TES: variants seen among roughly 807,000 people sequenced by gnomAD.
The protein encoded by TES is testin.
Under a neutral mutation model 48.2 loss-of-function variants are expected in TES, and 41 were observed. That is an observed-to-expected ratio of 0.85 (90% confidence interval 0.66 to 1.10). The LOEUF is 1.10. Ranked by LOEUF, TES falls within the 50% of genes least tolerant of loss-of-function variation. The pLI is 0.00. For missense variants in TES, 463 were observed against 515.1 expected, an observed-to-expected ratio of 0.90 and a Z score of 0.98; for synonymous variants, 162 against 174.9, an observed-to-expected ratio of 0.93 and a Z score of 0.58.
chr7:116,252,397 G>C lies in TES; in HGVS notation c.998G>C (p.Ser333Thr). 6.2e-7 allele frequency: 1 copy of C among 1,614,180 alleles called. No individual in the cohort carries two copies. Among genetic ancestry groups the C allele is most frequent in the African/African-American group, 1.3e-5 (1 of 75,036 alleles). The change falls in exon 6 of 7, where the codon AGC becomes ACC. Residue 333 changes from serine (S) to threonine (T), a missense_variant. By Grantham distance (58) the Ser-to-Thr change is moderately conservative (BLOSUM62 1). Coordinates refer to ENST00000358204, the MANE Select transcript of TES (RefSeq NM_015641.4). Reference protein sequence around the residue: ...LKHFCCFDCDSILAGEIYVMV... With the variant: ...LKHFCCFDCDTILAGEIYVMV... ...CACTTCTGCTGCTTTGACTGTGATA[G>C]CATTCTAGCTGGGGAGATATACGTG...
At position 116,251,692 on chromosome 7, in the gene TES, A is replaced by AG. The variant is rs1563015127; in HGVS notation, c.703-68_703-67insG. The AG allele has an allele frequency of 4.3e-6, 6 of 1,408,210 alleles. No homozygotes were observed. The South Asian group carries it at 7.4e-5, about 17-fold the overall frequency. 87.2% of individuals were successfully genotyped at this position (1,408,210 alleles called of 1,614,324 possible). A position where few individuals can be genotyped will look rare whatever the true frequency, so the allele number is the denominator to read the frequency against. Reference sequence around the variant, plus strand: ...AGTGAGACTCAGTCTCAAAAAAAAAAAAAGAAAGAAAGAAAAGAAATGGCA... The same window carrying AG: ...AGTGAGACTCAGTCTCAAAAAAAAAAGAAAGAAAGAAAGAAAAGAAATGGCA... On this transcript the variant is annotated intron_variant, in intron 4 of 6. Transcript: ENST00000358204.
chr7:116,256,827 C>T (rs1007268622), intron 6 of TES, among the ~76,000 whole-genome samples: 3 of 152,178 alleles, frequency 2.0e-5, no homozygotes, highest in Admixed American at 2.0e-4. Context: ...TCCTTAATTA[C>T]TTTGAACATG....
At chr7:116,222,585 T>G (rs1415314659) in intron 1 of TES, among the ~76,000 whole-genome samples, 1 of 152,206 alleles carries the variant, frequency 6.6e-6, no homozygotes, top group Non-Finnish European at 1.5e-5. Flanking sequence ...TACCATAGCC[T>G]TTAGGCATCG....
In TES at chr7:116,210,678, A is replaced by G; in HGVS notation, c.-30A>G. 2 of 1,304,366 alleles carry G rather than the reference A, an allele frequency of 1.5e-6. No homozygotes were observed. Among genetic ancestry groups the G allele is most frequent in the South Asian group, 2.5e-5 (1 of 40,670 alleles). The allele number at this position is 1,304,366 out of a possible 1,614,324, so 80.8% of individuals were successfully genotyped here. The stretch of plus-strand genomic sequence containing the variant: ...ACCCGGCCGTGGGATCCCGGATAGG[A>G]GGAGGAGGGGACCCATAGGACGCGT... On this transcript the variant is annotated 5_prime_UTR_variant, in exon 1 of 7. Transcript: ENST00000358204.
At chr7:116,217,279 A>G (rs1010985428) in intron 1 of TES, among the ~76,000 whole-genome samples, 8 of 152,180 alleles carry the variant, frequency 5.3e-5, no homozygotes, top group Admixed American at 3.9e-4. Context: ...CAAATGTAAA[A>G]GATGGGAAAA....
At chr7:116,253,068 G>T (rs1351497526) in intron 6 of TES, among the ~76,000 whole-genome samples, 2 of 152,192 alleles carry the variant, frequency 1.3e-5, no homozygotes, top group Non-Finnish European at 2.9e-5. Flanking sequence ...ATGGCCAAGT[G>T]ATGGTAATGT....
intron 1 of TES, among the ~76,000 whole-genome samples, chr7:116,218,441 G>C (rs774548512): frequency 6.6e-6 from 1 of 152,100 alleles, no homozygotes; most frequent in African/African-American, 2.4e-5. Context: ...CCATGTAGAT[G>C]TTAGGTGGAT....
At chr7:116,234,352 ATATGT>A (rs1024637519) in intron 1 of TES, among the ~76,000 whole-genome samples, 177 bp from the exon 2 acceptor site, 7 of 152,184 alleles carry the variant, frequency 4.6e-5, no homozygotes, top group African/African-American at 1.2e-4. Flanking sequence ...AGAATATAAA[ATATGT>A]TATGTATGTA....
chr7:116,242,533 C>G (rs762245894), intron 2 of TES, among the ~76,000 whole-genome samples: 1 of 73,942 alleles, frequency 1.4e-5, no homozygotes, highest in East Asian at 9.7e-4. Flanking sequence ...CTCTCTCTCT[C>G]TCTCTGTCTC....
At chr7:116,217,624 G>T in intron 1 of TES, 1 of 269,804 alleles carries the variant, frequency 3.7e-6, no homozygotes, top group Non-Finnish European at 7.5e-6. Flanking sequence ...GGAAGATAAG[G>T]AAACAAAAGA....
intron 1 of TES, among the ~76,000 whole-genome samples, chr7:116,218,754 A>G (rs1799523201): frequency 6.6e-6 from 1 of 152,132 alleles, no homozygotes; most frequent in Non-Finnish European, 1.5e-5. Flanking sequence ...TAAGTTAACT[A>G]CAGTGCTGGA....
chr7:116,210,873 C>T, intron 1 of TES, 139 bp downstream of exon 1: 1 of 705,298 alleles, frequency 1.4e-6, no homozygotes, highest in Non-Finnish European at 2.0e-6. Flanking sequence ...GTGCCCCGGG[C>T]CCAGGGACCT....
At chr7:116,216,683 T>A (rs1334239507) in intron 1 of TES, among the ~76,000 whole-genome samples, 2 of 152,146 alleles carry the variant, frequency 1.3e-5, no homozygotes, top group African/African-American at 4.8e-5. Context: ...AAATAATTTT[T>A]TTCCACAAAT....
intron 1 of TES, among the ~76,000 whole-genome samples, chr7:116,220,075 A>C (rs1169390282): frequency 6.6e-6 from 1 of 152,140 alleles, no homozygotes; most frequent in Non-Finnish European, 1.5e-5. Flanking sequence ...CAAGTTGCCT[A>C]AGGTTTTGAA....
chr7:116,253,314 A>G (rs190948731), intron 6 of TES, among the ~76,000 whole-genome samples: 119 of 152,252 alleles, frequency 7.8e-4, no homozygotes, highest in South Asian at 1.2e-3. Context: ...GTCAATGCCA[A>G]TTTTCAGCGT....
chr7:116,257,568 C>A lies in TES; in HGVS notation c.*86C>A. The A allele has an allele frequency of 1.7e-6, 2 of 1,181,978 alleles. No homozygotes were observed. Among genetic ancestry groups the A allele is most frequent in the Admixed American group, 3.9e-5 (1 of 25,942 alleles). 73.2% of individuals were successfully genotyped at this position (1,181,978 alleles called of 1,614,324 possible). On this transcript the variant is annotated 3_prime_UTR_variant, in exon 7 of 7. Coordinates refer to ENST00000358204, the MANE Select transcript of TES (RefSeq NM_015641.4). ...AAAATGCAATTTGAAAAAAATAAAA[C>A]GCAAAAAAAGAAACTGTAAAGGAAA... is the stretch of plus-strand genomic sequence containing the variant.
intron 5 of TES, 105 bp from the exon 6 acceptor site, chr7:116,252,213 C>A: frequency 7.8e-7 from 1 of 1,276,022 alleles, no homozygotes; most frequent in Non-Finnish European, 1.1e-6. Flanking sequence ...TAAGTTCAAG[C>A]TTTAGGTTAT....
intron 2 of TES, among the ~76,000 whole-genome samples, chr7:116,238,585 C>CATCATT (rs1554437876): frequency 3.9e-5 from 5 of 129,330 alleles, no homozygotes; most frequent in African/African-American, 7.8e-5. Context: ...CAACATCCAT[C>CATCATT]ATTATTATTA....
intron 1 of TES, among the ~76,000 whole-genome samples, chr7:116,220,030 C>T (rs572600700): frequency 1.2e-4 from 19 of 152,086 alleles, no homozygotes; most frequent in African/African-American, 2.9e-4. Flanking sequence ...CCGTGTTAAA[C>T]GAAGACATGT....
Sources: allele counts gnomAD v4.1 joint callset (sites outside exome capture counted in the v4.1 genomes callset), GRCh38; gene constraint gnomAD v4.1.1; transcripts MANE v1.5; gene names NCBI Gene and HGNC (gene_info 2026-07-23, HGNC 2026-07-21).